Variants in SVIL observed in about 807,000 individuals in gnomAD.
SVIL encodes supervillin, also known as archvillin.
Under a neutral mutation model 240.4 loss-of-function variants are expected in SVIL, and 101 were observed. That is an observed-to-expected ratio of 0.42 (90% confidence interval 0.36 to 0.50). The LOEUF is 0.50. Among genes scored for constraint, SVIL ranks in the 20% least tolerant of loss-of-function variants. The pLI, the probability that SVIL is intolerant of heterozygous loss-of-function variation, is 0.01. For missense variants in SVIL, 2,512 were observed against 2,818.7 expected (o/e 0.89, Z 2.46); for synonymous variants, 999 against 1,100.0 (o/e 0.91, Z 1.82).
chr10:29,535,002 A>T (rs1386456475), intron 7 of SVIL, among the ~76,000 whole-genome samples: 1 of 152,228 alleles, frequency 6.6e-6, no homozygotes, highest in Non-Finnish European at 1.5e-5. Flanking sequence ...AGAGGAATTT[A>T]GACTGTTTAC....
rs374749613 is a variant in SVIL, at chr10:29,532,581, G to C, written c.1786C>G (p.Gln596Glu). The C allele has an allele frequency of 2.5e-6, 4 of 1,613,642 alleles. No individual in the cohort carries two copies. The African/African-American group carries it at 5.3e-5, about 22-fold the overall frequency. Reference protein sequence around the residue: ...SMLDTKVSVAQLRSAFLASAN... With the variant: ...SMLDTKVSVAELRSAFLASAN... ...GATGCCAGGAACGCACTTCGGAGCT[G>C]GGCGACAGAGACTTTTGTGTCCAGC... Residue 596 changes from glutamine to glutamate, a missense_variant, in exon 8 of 38, where the codon CAG becomes GAG. Transcript: ENST00000355867.
Position 29,533,175 on chromosome 10 carries a change from T to C in SVIL, c.1192A>G (p.Thr398Ala). 2 of 1,614,102 alleles carry C rather than the reference T, an allele frequency of 1.2e-6. No individual in the cohort carries two copies. Among genetic ancestry groups the C allele is most frequent in the Non-Finnish European group, 1.7e-6 (2 of 1,180,022 alleles). The change falls in exon 8 of 38, where the codon ACC (threonine) becomes GCC (alanine). Residue 398 changes from threonine to alanine, a missense_variant. Physicochemically the swap from Thr to Ala is moderately conservative, Grantham distance 58. Transcript: ENST00000355867. ...ASECSWVASA[T>A]QNVPKPPSLT... ...CTGGGAGGTTTGGGGACATTCTGGG[T>C]GGCTGATGCTACCCAGCTACACTCA... is the stretch of plus-strand genomic sequence containing the variant.
intron 1 of SVIL, among the ~76,000 whole-genome samples, chr10:29,627,818 T>C (rs1957932302): frequency 6.6e-6 from 1 of 152,204 alleles, no homozygotes; most frequent in East Asian, 1.9e-4. Flanking sequence ...TTTTATCTAA[T>C]CACAGAATTT....
intron 1 of SVIL, among the ~76,000 whole-genome samples, chr10:29,612,622 CAAG>C (rs1957287555): frequency 6.6e-6 from 1 of 151,968 alleles, no homozygotes. Context: ...CCAGAAAACA[CAAG>C]AAGAGGACAT....
At chr10:29,520,271 T>C (rs754064998) in intron 16 of SVIL, among the ~76,000 whole-genome samples, 1 of 152,248 alleles carries the variant, frequency 6.6e-6, no homozygotes, top group Non-Finnish European at 1.5e-5. Flanking sequence ...GTATAAGTGA[T>C]ATTTATTGTT....
intron 16 of SVIL, among the ~76,000 whole-genome samples, chr10:29,518,444 T>C (rs2132514091): frequency 6.6e-6 from 1 of 152,296 alleles, no homozygotes; most frequent in South Asian, 2.1e-4. Context: ...TATGTTTCCT[T>C]GAGCATCAAA....
intron 2 of SVIL, among the ~76,000 whole-genome samples, chr10:29,669,480 T>C (rs1487781143): frequency 6.6e-6 from 1 of 152,206 alleles, no homozygotes; most frequent in Non-Finnish European, 1.5e-5. Context: ...CCCAGTTGGA[T>C]AAAAACAAGA....
chr10:29,657,169 T>A (rs1959031796), intron 3 of SVIL, among the ~76,000 whole-genome samples: 1 of 152,214 alleles, frequency 6.6e-6, no homozygotes, highest in South Asian at 2.1e-4. Context: ...TTACCTTTCC[T>A]TAATTGTTAA....
At chr10:29,471,356 G>C in intron 30 of SVIL, 113 bp from the exon 31 acceptor site, 1 of 821,642 alleles carries the variant, frequency 1.2e-6, no homozygotes, top group Non-Finnish European at 1.9e-6. Flanking sequence ...ACAAACAAAA[G>C]CCATTGCTAA....
intron 2 of SVIL, among the ~76,000 whole-genome samples, chr10:29,665,751 G>A (rs1329171834): frequency 2.0e-5 from 3 of 151,784 alleles, no homozygotes; most frequent in East Asian, 3.9e-4. Context: ...CCAAGATTGC[G>A]CCACTGCACT....
Position 29,487,360 on chromosome 10 carries a change from T to C in SVIL, c.4349-61A>G, listed in dbSNP as rs61192312. 181,876 of 1,585,362 alleles carry C rather than the reference T, an allele frequency of 0.11. 11,708 individuals carry two copies. The highest frequency in any genetic ancestry group is 0.13 in the Non-Finnish European group (154,403 of 1,163,284). On this transcript the variant is annotated intron_variant, in intron 23 of 37. Coordinates refer to ENST00000355867, the MANE Select transcript of SVIL (RefSeq NM_021738.3). Reference sequence around the variant, plus strand: ...CAGAACGGGGATAGGACGCACCCCATATCGGAAGCATCCCTGCTGCGGACG... The same window carrying C: ...CAGAACGGGGATAGGACGCACCCCACATCGGAAGCATCCCTGCTGCGGACG...
intron 16 of SVIL, among the ~76,000 whole-genome samples, chr10:29,516,125 G>A (rs1589073037): frequency 6.6e-6 from 1 of 152,160 alleles, no homozygotes; most frequent in South Asian, 2.1e-4. Context: ...TTGCCACACC[G>A]TTTTAGGAAA....
At chr10:29,574,237 C>G (rs1955583177) in intron 1 of SVIL, among the ~76,000 whole-genome samples, 1 of 152,106 alleles carries the variant, frequency 6.6e-6, no homozygotes, top group Non-Finnish European at 1.5e-5. Context: ...ACTGAAGTTG[C>G]CTTTAGATGG....
At chr10:29,677,951 C>T (rs1234231060) in intron 2 of SVIL, among the ~76,000 whole-genome samples, 1 of 152,142 alleles carries the variant, frequency 6.6e-6, no homozygotes, top group Non-Finnish European at 1.5e-5. Context: ...TGCCCTCAGT[C>T]TAAGGTGCAG....
intron 16 of SVIL, among the ~76,000 whole-genome samples, chr10:29,514,140 A>G (rs1257774924): frequency 6.6e-6 from 1 of 151,108 alleles, no homozygotes. Context: ...TAATCCACAA[A>G]TGGTATAAAT....
intron 17 of SVIL, among the ~76,000 whole-genome samples, chr10:29,511,125 T>C (rs1949801400): frequency 7.6e-6 from 1 of 131,174 alleles, no homozygotes; most frequent in Non-Finnish European, 1.6e-5. Context: ...GTCCCGGGGC[T>C]TCAGGTCACT....
upstream of SVIL, among the ~76,000 whole-genome samples, chr10:29,635,887 C>T (rs1043743306): frequency 1.3e-5 from 2 of 152,134 alleles, no homozygotes; most frequent in South Asian, 2.1e-4. Flanking sequence ...CAGTGGTATG[C>T]CTCTGGGTGT....
In SVIL at chr10:29,688,037, CT is replaced by C. The variant is rs1327209081; in HGVS notation, c.-399-1387del. ...CACATATGCAGAAGCAGCAATGACA[CT>C]TTCCCCGGTAGAAGGGGAAAGTGTC... On this transcript the variant is annotated intron_variant, in intron 1 of 35. Coordinates refer to the SVIL transcript ENST00000375400. Among the ~76,000 whole-genome samples, 8 of 152,298 alleles carry C rather than the reference CT, an allele frequency of 5.3e-5. No individual in the cohort carries two copies. The East Asian group carries it at 7.7e-4, about 15-fold the overall frequency.
At chr10:29,602,406 A>T (rs1956849627) in intron 1 of SVIL, 1 of 431,902 alleles carries the variant, frequency 2.3e-6, no homozygotes, top group African/African-American at 2.0e-5. Context: ...CTGTGGGACA[A>T]CCTGGATCCC....
Sources: allele counts gnomAD v4.1 joint callset (sites outside exome capture counted in the v4.1 genomes callset), GRCh38; gene constraint gnomAD v4.1.1; transcripts MANE v1.5; gene names NCBI Gene and HGNC (gene_info 2026-07-23, HGNC 2026-07-21).